Variants in COBLL1 observed in about 807,000 individuals in gnomAD.
COBLL1 encodes cordon-bleu WH2 repeat protein like 1, also known as cordon-bleu protein-like 1.
COBLL1 carries 50 observed loss-of-function variants against 94.8 expected under a neutral mutation model. That is an observed-to-expected ratio of 0.53 (90% CI 0.42 to 0.67). The LOEUF is 0.67. COBLL1 is among the 30% of genes least tolerant of loss of function. The pLI is 0.00. For synonymous variants in COBLL1, 448 were observed against 473.8 expected (o/e 0.95, Z 0.71); for missense variants, 1,362 against 1,348.7 (o/e 1.01, Z -0.15).
chr2:164,796,671 T>C (rs928460564), intron 2 of COBLL1, among the ~76,000 whole-genome samples: 2 of 125,782 alleles, frequency 1.6e-5, no homozygotes, highest in Non-Finnish European at 3.1e-5. Context: ...TAAAATTTAA[T>C]GGTGGGTGAT....
chr2:164,769,404 T>G (rs1366522393), intron 2 of COBLL1, among the ~76,000 whole-genome samples: 6 of 152,204 alleles, frequency 3.9e-5, no homozygotes, highest in Admixed American at 3.9e-4. Flanking sequence ...TCCCATCTAT[T>G]GTAGAGACAT....
intron 2 of COBLL1, among the ~76,000 whole-genome samples, chr2:164,764,536 A>G (rs1184500553): frequency 1.3e-5 from 2 of 152,196 alleles, no homozygotes; most frequent in East Asian, 3.8e-4. Context: ...AGCAAAGAGC[A>G]TGTAGTTATG....
chr2:164,687,100 C>T (rs770816225), intron 13 of COBLL1, among the ~76,000 whole-genome samples: 2 of 152,098 alleles, frequency 1.3e-5, no homozygotes, highest in African/African-American at 2.4e-5. Flanking sequence ...TAAAAGGATA[C>T]GGTAAGAAGA....
At chr2:164,689,228 A>T (rs911794965) in intron 13 of COBLL1, among the ~76,000 whole-genome samples, 2 of 152,126 alleles carry the variant, frequency 1.3e-5, no homozygotes, top group Non-Finnish European at 2.9e-5. Context: ...TAATTGTTCT[A>T]TTGTGAACCA....
intron 2 of COBLL1, among the ~76,000 whole-genome samples, chr2:164,783,625 G>A (rs1688812372): frequency 6.6e-6 from 1 of 152,004 alleles, no homozygotes. Flanking sequence ...TAGCAGTAGT[G>A]GTTTCAGACA....
intron 7 of COBLL1, among the ~76,000 whole-genome samples, chr2:164,713,795 T>C (rs954271686): frequency 7.9e-5 from 12 of 152,198 alleles, no homozygotes; most frequent in Admixed American, 7.9e-4. Flanking sequence ...ATTTTGTTAT[T>C]GTACTTTAAG....
At chr2:164,828,861 T>C (rs1392731014) in intron 2 of COBLL1, among the ~76,000 whole-genome samples, 1 of 152,226 alleles carries the variant, frequency 6.6e-6, no homozygotes, top group Non-Finnish European at 1.5e-5. Context: ...ATGTGGCTCC[T>C]AAAATATTTA....
chr2:164,706,590 G>A (rs1419082236), intron 7 of COBLL1, among the ~76,000 whole-genome samples: 1 of 152,038 alleles, frequency 6.6e-6, no homozygotes, highest in Non-Finnish European at 1.5e-5. Context: ...TTATCCCTCT[G>A]CCACATCCTA....
intron 2 of COBLL1, among the ~76,000 whole-genome samples, chr2:164,775,276 A>C (rs1688411061): frequency 6.6e-6 from 1 of 152,028 alleles, no homozygotes; most frequent in Non-Finnish European, 1.5e-5. Flanking sequence ...CATTAACACC[A>C]ATGCCCCTCA....
Position 164,818,316 on chromosome 2 carries a change from G to A in COBLL1, c.41+22840C>T, listed in dbSNP as rs551083844. ...TGTATACATATGTATACATATACAC[G>A]TGTGTATGTATACATATATGTATAT... is the stretch of plus-strand genomic sequence containing the variant. On this transcript the variant is annotated intron_variant, in intron 2 of 13. Coordinates refer to ENST00000652658, the MANE Select transcript of COBLL1 (RefSeq NM_001365672.2). Among the ~76,000 whole-genome samples, 218 of 99,596 alleles carry A rather than the reference G, an allele frequency of 2.2e-3. 5 individuals carry two copies. Among genetic ancestry groups the A allele is most frequent in the African/African-American group, 8.3e-3 (206 of 24,864 alleles). The allele number at this position is 99,596 out of a possible 152,430, so 65.3% of individuals were successfully genotyped here.
intron 2 of COBLL1, among the ~76,000 whole-genome samples, chr2:164,788,488 C>G (rs1682996154): frequency 6.6e-6 from 1 of 152,050 alleles, no homozygotes; most frequent in Non-Finnish European, 1.5e-5. Flanking sequence ...TTATCAAGGC[C>G]CACTTTCTCC....
intron 3 of COBLL1, among the ~76,000 whole-genome samples, chr2:164,730,624 C>T (rs1685959941): frequency 6.6e-6 from 1 of 152,130 alleles, no homozygotes; most frequent in African/African-American, 2.4e-5. Flanking sequence ...GTCAAGAGAG[C>T]ATAGATCCTA....
intron 2 of COBLL1, among the ~76,000 whole-genome samples, chr2:164,819,202 G>A (rs1685036731): frequency 1.3e-5 from 2 of 152,054 alleles, no homozygotes; most frequent in South Asian, 4.1e-4. Flanking sequence ...AAATTAAAAT[G>A]CTAAAAATGT....
intron 11 of COBLL1, chr2:164,697,175 G>C (rs184509984): frequency 2.0e-5 from 3 of 152,022 alleles, no homozygotes; most frequent in Non-Finnish European, 1.5e-5. Context: ...ACAGTTATTT[G>C]GTTGTGGCAG....
intron 2 of COBLL1, among the ~76,000 whole-genome samples, chr2:164,757,899 A>T (rs930597940): frequency 1.3e-5 from 2 of 151,982 alleles, no homozygotes; most frequent in African/African-American, 4.8e-5. Flanking sequence ...GTTTTCCTAA[A>T]TATCTTACAG....
intron 7 of COBLL1, among the ~76,000 whole-genome samples, chr2:164,716,740 A>G (rs577996522): frequency 1.3e-5 from 2 of 152,340 alleles, no homozygotes; most frequent in Admixed American, 1.3e-4. Flanking sequence ...AAATTAGCTC[A>G]GCAAATCAAC....
intron 3 of COBLL1, among the ~76,000 whole-genome samples, chr2:164,740,340 G>A (rs938038771): frequency 3.3e-5 from 5 of 152,078 alleles, no homozygotes; most frequent in Admixed American, 6.6e-5. Flanking sequence ...TCCAGCCTGT[G>A]TGACTGAAAC....
intron 2 of COBLL1, among the ~76,000 whole-genome samples, chr2:164,659,993 G>A (rs1458548467): frequency 1.3e-5 from 2 of 152,138 alleles, no homozygotes; most frequent in African/African-American, 2.4e-5. Flanking sequence ...TCAATAGCTT[G>A]CAAATTTGAG....
At chr2:164,833,096 T>G (rs1683151621) in intron 2 of COBLL1, among the ~76,000 whole-genome samples, 1 of 151,614 alleles carries the variant, frequency 6.6e-6, no homozygotes, top group Admixed American at 6.6e-5. Flanking sequence ...CGGTGGCTCA[T>G]GCCTGTAATC....
Sources: allele counts gnomAD v4.1 joint callset (sites outside exome capture counted in the v4.1 genomes callset), GRCh38; gene constraint gnomAD v4.1.1; transcripts MANE v1.5; gene names NCBI Gene and HGNC (gene_info 2026-07-23, HGNC 2026-07-21).